The following MRPL18 variants were observed in gnomAD, a reference collection of about 807,000 sequenced individuals.
The protein encoded by MRPL18 is large ribosomal subunit protein uL18m.
MRPL18 carries 16 observed loss-of-function variants against 20.9 expected under a neutral mutation model. The observed-to-expected ratio is 0.76, with a 90% CI of 0.52 to 1.16. The LOEUF (loss-of-function observed/expected upper bound fraction) is 1.16. Ranked by LOEUF, MRPL18 falls within the 50% of genes most tolerant of loss-of-function variation. The probability of loss-of-function intolerance (pLI) is 0.00; values close to 1 mark genes in which losing one functional copy is unlikely to be tolerated. For synonymous variants in MRPL18, 91 were observed against 87.1 expected, an observed-to-expected ratio of 1.04 and a Z score of -0.25; for missense variants, 233 against 230.6, an observed-to-expected ratio of 1.01 and a Z score of -0.07.
At chr6:159,796,479 CA>C (rs1017181744) in intron 2 of MRPL18, among the ~76,000 whole-genome samples, 2,500 of 119,868 alleles carry the variant, frequency 0.021, 28 homozygotes, top group African/African-American at 0.054. Context: ...GACCCTGTCT[CA>C]AAAAAAAAAA....
chr6:159,792,363 A>G (rs1241150541), intron 2 of MRPL18, among the ~76,000 whole-genome samples: 1 of 152,178 alleles, frequency 6.6e-6, no homozygotes, highest in African/African-American at 2.4e-5. Context: ...TGTGTGATGT[A>G]TTATTTATTT....
upstream of MRPL18, chr6:159,790,151 C>A: frequency 4.6e-6 from 1 of 218,980 alleles, no homozygotes; most frequent in Non-Finnish European, 9.4e-6. Flanking sequence ...GACAACCACC[C>A]TTTTTAAGGA....
intron 2 of MRPL18, among the ~76,000 whole-genome samples, chr6:159,795,679 TCTTG>T (rs1365762331): frequency 1.3e-5 from 2 of 152,248 alleles, no homozygotes; most frequent in Non-Finnish European, 2.9e-5. Flanking sequence ...CAATCTGATC[TCTTG>T]CTTTTCCCCA....
intron 2 of MRPL18, among the ~76,000 whole-genome samples, chr6:159,792,984 CT>C (rs55640242): frequency 5.0e-4 from 73 of 145,724 alleles, no homozygotes; most frequent in African/African-American, 1.0e-3. Context: ...TTTTCTTTTT[CT>C]TTTTTTTTTT....
intron 2 of MRPL18, among the ~76,000 whole-genome samples, chr6:159,795,097 G>C (rs920606297): frequency 6.6e-6 from 1 of 152,192 alleles, no homozygotes; most frequent in Non-Finnish European, 1.5e-5. Flanking sequence ...ATTGCTGCCC[G>C]CATGTCCCAC....
intron 2 of MRPL18, among the ~76,000 whole-genome samples, chr6:159,796,819 CAT>C (rs1491063768): frequency 6.6e-6 from 1 of 152,092 alleles, no homozygotes; most frequent in Non-Finnish European, 1.5e-5. Context: ...GGTTTGATGT[CAT>C]ATTTAAATAT....
intron 1 of MRPL18, 102 bp downstream of exon 1, chr6:159,790,741 TAG>T: frequency 1.3e-6 from 2 of 1,521,866 alleles, no homozygotes. Flanking sequence ...CGGATCGAAA[TAG>T]AGCTCGCGGC....
chr6:159,791,492 G>A (rs1268051661), intron 2 of MRPL18, among the ~76,000 whole-genome samples: 2 of 152,166 alleles, frequency 1.3e-5, no homozygotes, highest in African/African-American at 4.8e-5. Context: ...AACATGGAGG[G>A]GTAAGGAGGC....
intron 2 of MRPL18, 141 bp from the exon 3 acceptor site, chr6:159,797,146 C>A: frequency 1.2e-6 from 1 of 814,144 alleles, no homozygotes; most frequent in Non-Finnish European, 1.9e-6. Flanking sequence ...TTTTCCCAAG[C>A]AAAATCCAAG....
chr6:159,790,606 T>A lies in MRPL18; in HGVS notation c.19T>A (p.Phe7Ile). 12 of 1,537,632 alleles carry A rather than the reference T, an allele frequency of 7.8e-6. No individual in the cohort carries two copies. The highest frequency in any genetic ancestry group is 1.1e-5 in the Non-Finnish European group (12 of 1,140,366). The change falls in exon 1 of 4, where the codon TTT becomes ATT. Residue 7 changes from phenylalanine to isoleucine, a missense_variant. Transcript: ENST00000367034. MALRSR[F>I]WGLFSVCRNP... ...CTCAGCGATGGCGCTTCGGTCGCGG[T>A]TTTGGGGGTTGTTCTCGGTTTGCAG...
upstream of MRPL18, among the ~76,000 whole-genome samples, chr6:159,790,213 T>C (rs554453754): frequency 2.8e-4 from 42 of 152,198 alleles, no homozygotes; most frequent in South Asian, 1.0e-3. Context: ...AGGTGGGGTG[T>C]GTGTGGACCA....
upstream of MRPL18, chr6:159,789,884 A>T (rs778712512): frequency 1.4e-4 from 31 of 224,172 alleles, no homozygotes; most frequent in South Asian, 3.1e-4. Flanking sequence ...TGCCTTCTAG[A>T]AAAGGTTGTA....
chr6:159,793,444 G>GT (rs1780955187), intron 2 of MRPL18, among the ~76,000 whole-genome samples: 1 of 152,066 alleles, frequency 6.6e-6, no homozygotes, highest in Non-Finnish European at 1.5e-5. Flanking sequence ...CGTTGCCCAG[G>GT]TTCTTAGAAC....
At chr6:159,789,851 G>T (rs575464528), upstream of MRPL18, 71 of 303,152 alleles carry the variant, frequency 2.3e-4, no homozygotes, top group African/African-American at 1.4e-3. Flanking sequence ...ACGATGTTGC[G>T]CAGACGCAGT....
chr6:159,791,154 G>A (rs1311201976), intron 2 of MRPL18, 28 bp downstream of exon 2: 2 of 1,612,840 alleles, frequency 1.2e-6, no homozygotes, highest in Non-Finnish European at 1.7e-6. Flanking sequence ...TGATTGACAA[G>A]GGCAGTGCAC....
In MRPL18 at chr6:159,790,955, C is replaced by A. The variant is rs1257177216; in HGVS notation, c.68C>A (p.Ala23Asp). Residue 23 changes from alanine (A) to aspartate (D), a missense_variant, in exon 2 of 4, where the codon GCC becomes GAC. By Grantham distance (126) the Ala-to-Asp change is moderately radical. Transcript: ENST00000367034. ...CGTTGCCCAGGGTGCAGGTTCGCAG[C>A]CCTGTCAACCAGCTCCGAGCCGGCA... ...VCRNPGCRFA[A>D]LSTSSEPAAK... 2 of 1,614,006 alleles carry A rather than the reference C, an allele frequency of 1.2e-6. No homozygotes were observed. The highest frequency in any genetic ancestry group is 2.7e-5 in the African/African-American group (2 of 74,910).
Position 159,790,643 on chromosome 6 carries a change from AT to A in MRPL18, c.52+6del. The A allele has an allele frequency of 6.2e-7, 1 of 1,614,040 alleles. No homozygotes were observed. The highest frequency in any genetic ancestry group is 8.5e-7 in the Non-Finnish European group (1 of 1,179,992). On this transcript the variant is annotated splice_donor_5th_base_variant and intron_variant, in intron 1 of 3. Coordinates refer to ENST00000367034, the MANE Select transcript of MRPL18 (RefSeq NM_014161.5). ...TTCTCGGTTTGCAGGAACCCTGGTA[AT>A]TAGTCTTGCCCCCCTTCTCCCAGCT...
upstream of MRPL18, chr6:159,790,156 TAAG>T (rs1780827658): frequency 4.5e-6 from 1 of 224,262 alleles, no homozygotes; most frequent in African/African-American, 2.3e-5. Flanking sequence ...CCACCCTTTT[TAAG>T]GAGAAAACTG....
chr6:159,790,391 G>GAAGGAT (rs910953466), upstream of MRPL18: 8 of 672,362 alleles, frequency 1.2e-5, no homozygotes, highest in African/African-American at 1.5e-4. Flanking sequence ...GATTGGCGAT[G>GAAGGAT]AAGGATAACA....
Sources: allele counts gnomAD v4.1 joint callset (sites outside exome capture counted in the v4.1 genomes callset), GRCh38; gene constraint gnomAD v4.1.1; transcripts MANE v1.5; gene names NCBI Gene and HGNC (gene_info 2026-07-23, HGNC 2026-07-21).